The following SPAG16 variants were observed in gnomAD, a reference collection of about 807,000 sequenced individuals.
SPAG16 encodes the protein sperm associated antigen 16, also known as sperm-associated antigen 16 protein.
Under a neutral mutation model 80.4 loss-of-function variants are expected in SPAG16, and 86 were observed. The observed-to-expected ratio is 1.07, with a 90% CI of 0.90 to 1.28. SPAG16 has a LOEUF of 1.28. SPAG16 is among the 50% of genes most tolerant of loss of function. The pLI, the probability that SPAG16 is intolerant of heterozygous loss-of-function variation, is 0.00. For missense variants in SPAG16, 870 were observed against 765.3 expected, an observed-to-expected ratio of 1.14 and a Z score of -1.61; for synonymous variants, 294 against 265.9, an observed-to-expected ratio of 1.11 and a Z score of -1.03.
At chr2:214,108,563 T>G (rs1253216308) in intron 14 of SPAG16, among the ~76,000 whole-genome samples, 1 of 151,930 alleles carries the variant, frequency 6.6e-6, no homozygotes. Context: ...TTTAAGAGCC[T>G]TTTGTCCAAT....
intron 10 of SPAG16, among the ~76,000 whole-genome samples, chr2:213,676,498 A>C (rs991119500): frequency 3.3e-5 from 5 of 151,698 alleles, no homozygotes; most frequent in Non-Finnish European, 5.9e-5. Context: ...TTGCCCATTC[A>C]GTATGATATT....
At chr2:213,823,546 G>T (rs989299549) in intron 10 of SPAG16, among the ~76,000 whole-genome samples, 3 of 152,088 alleles carry the variant, frequency 2.0e-5, no homozygotes, top group Non-Finnish European at 1.5e-5. Context: ...TTTTAGTAGA[G>T]ATAGGGTTTC....
rs1385124033 is a variant in SPAG16 at position 213,718,059 on chromosome 2, G to C, written c.1071-144426G>C. On this transcript the variant is annotated intron_variant, in intron 10 of 15. Coordinates refer to ENST00000331683, the MANE Select transcript of SPAG16 (RefSeq NM_024532.5). The stretch of plus-strand genomic sequence containing the variant: ...AGAAACTATCACCGGAGTTAAAAAG[G>C]CAACCTACAGAATGGGAGAAAATTT... Among the ~76,000 whole-genome samples, 7 of 145,466 alleles carry C rather than the reference G, an allele frequency of 4.8e-5. No individual in the cohort carries two copies. In the Admixed American group the frequency reaches 5.0e-4, roughly 10 times the overall value.
At chr2:213,901,635 A>T (rs986451766) in intron 11 of SPAG16, among the ~76,000 whole-genome samples, 6 of 152,264 alleles carry the variant, frequency 3.9e-5, no homozygotes, top group Admixed American at 3.3e-4. Flanking sequence ...CTTGTACAGG[A>T]ATGTATGTAT....
intron 14 of SPAG16, among the ~76,000 whole-genome samples, chr2:214,127,180 A>G (rs1005596270): frequency 6.6e-6 from 1 of 151,682 alleles, no homozygotes; most frequent in African/African-American, 2.4e-5. Flanking sequence ...TGCCTTTCAT[A>G]TCTTGGAGAA....
chr2:213,976,135 T>TATACACACAC (rs749957411), intron 12 of SPAG16, among the ~76,000 whole-genome samples: 2 of 81,414 alleles, frequency 2.5e-5, no homozygotes, highest in Non-Finnish European at 5.5e-5. Context: ...TATATATATA[T>TATACACACAC]ACACACACAC....
intron 13 of SPAG16, among the ~76,000 whole-genome samples, chr2:214,073,906 C>G (rs2050933120): frequency 6.6e-6 from 1 of 152,160 alleles, no homozygotes; most frequent in Non-Finnish European, 1.5e-5. Context: ...AATGTTGCCA[C>G]CACTTCAACA....
chr2:214,348,791 C>T (rs1421860802), intron 15 of SPAG16, among the ~76,000 whole-genome samples: 1 of 152,134 alleles, frequency 6.6e-6, no homozygotes, highest in Non-Finnish European at 1.5e-5. Flanking sequence ...GCACCCTGTC[C>T]AAATTGCTGA....
chr2:213,909,801 G>A (rs932963552), intron 11 of SPAG16, among the ~76,000 whole-genome samples: 1 of 152,130 alleles, frequency 6.6e-6, no homozygotes, highest in South Asian at 2.1e-4. Flanking sequence ...TACTTTGTGC[G>A]AGTGCCCTCA....
At chr2:213,853,528 C>T (rs986707459) in intron 10 of SPAG16, among the ~76,000 whole-genome samples, 2 of 152,110 alleles carry the variant, frequency 1.3e-5, no homozygotes, top group Non-Finnish European at 2.9e-5. Context: ...ATGGATACTT[C>T]ATTAGGGCAT....
chr2:213,612,688 A>C (rs1381813136), intron 10 of SPAG16, among the ~76,000 whole-genome samples: 2 of 152,006 alleles, frequency 1.3e-5, no homozygotes, highest in East Asian at 3.9e-4. Context: ...AATTAAAATA[A>C]TTTTTTTTGA....
intron 12 of SPAG16, among the ~76,000 whole-genome samples, chr2:213,966,599 G>A (rs1465669514): frequency 6.6e-6 from 1 of 152,098 alleles, no homozygotes; most frequent in East Asian, 1.9e-4. Flanking sequence ...GTGATTAAGG[G>A]TGACTTGTAT....
intron 11 of SPAG16, among the ~76,000 whole-genome samples, chr2:213,904,894 CTTG>C (rs1012471839): frequency 2.8e-4 from 42 of 152,072 alleles, no homozygotes; most frequent in African/African-American, 9.4e-4. Flanking sequence ...TTGTTAGGGT[CTTG>C]TTGTTAGGGT....
intron 14 of SPAG16, among the ~76,000 whole-genome samples, chr2:214,142,037 A>G (rs2055389273): frequency 1.3e-5 from 2 of 150,970 alleles, no homozygotes; most frequent in African/African-American, 4.9e-5. Flanking sequence ...ATGTAACTCC[A>G]CCCCCACCCT....
At chr2:213,349,140 A>T (rs1284589711) in intron 6 of SPAG16, among the ~76,000 whole-genome samples, 1 of 152,196 alleles carries the variant, frequency 6.6e-6, no homozygotes, top group Admixed American at 6.6e-5. Flanking sequence ...AAAATTACAG[A>T]ATATTTTGCG....
At chr2:213,981,050 G>A (rs906434698) in intron 12 of SPAG16, among the ~76,000 whole-genome samples, 1 of 152,042 alleles carries the variant, frequency 6.6e-6, no homozygotes, top group Non-Finnish European at 1.5e-5. Context: ...AGTTCTAAAG[G>A]CTGGGAAGTT....
intron 15 of SPAG16, among the ~76,000 whole-genome samples, chr2:214,277,688 A>C (rs985304213): frequency 6.6e-6 from 1 of 152,202 alleles, no homozygotes; most frequent in Non-Finnish European, 1.5e-5. Context: ...GCTTCATCCC[A>C]GAGGGGAACC....
chr2:214,059,951 C>A (rs2050169862), intron 13 of SPAG16, among the ~76,000 whole-genome samples: 1 of 152,070 alleles, frequency 6.6e-6, no homozygotes, highest in South Asian at 2.1e-4. Context: ...CATCCCCAGT[C>A]CCCTCTTTTT....
At chr2:214,050,061 C>T (rs559879088) in intron 13 of SPAG16, among the ~76,000 whole-genome samples, 3 of 152,030 alleles carry the variant, frequency 2.0e-5, no homozygotes, top group Admixed American at 6.6e-5. Flanking sequence ...ACAATCAACA[C>T]GGCTGGTGTG....
Sources: allele counts gnomAD v4.1 joint callset (sites outside exome capture counted in the v4.1 genomes callset), GRCh38; gene constraint gnomAD v4.1.1; transcripts MANE v1.5; gene names NCBI Gene and HGNC (gene_info 2026-07-23, HGNC 2026-07-21).